Variants in NRXN3 observed in about 807,000 individuals in gnomAD.
NRXN3 encodes neurexin 3, also known as neurexin III.
A neutral mutation model predicts 137.6 loss-of-function variants in NRXN3; 32 were observed. The ratio of observed to expected loss-of-function variants is 0.23; its 90% CI spans 0.18 to 0.31. The LOEUF (loss-of-function observed/expected upper bound fraction) is 0.31, where lower values mean the gene tolerates loss of function less well. Ranked by LOEUF, NRXN3 falls within the 10% of genes least tolerant of loss-of-function variation. The pLI is 1.00. For missense variants in NRXN3, 1,574 were observed against 2,062.5 expected, an observed-to-expected ratio of 0.76 and a Z score of 4.59; for synonymous variants, 798 against 784.5, an observed-to-expected ratio of 1.02 and a Z score of -0.29.
intron 15 of NRXN3, among the ~76,000 whole-genome samples, chr14:79,142,674 A>G (rs73324798): frequency 6.6e-6 from 1 of 152,122 alleles, no homozygotes; most frequent in Non-Finnish European, 1.5e-5. Context: ...CCATGACCAG[A>G]TGTATGACTT....
chr14:78,359,832 C>A (rs778435150), intron 4 of NRXN3, among the ~76,000 whole-genome samples: 8 of 152,138 alleles, frequency 5.3e-5, no homozygotes, highest in Non-Finnish European at 1.2e-4. Flanking sequence ...GCGGGTCTCT[C>A]TTTCCGTGGA....
intron 10 of NRXN3, among the ~76,000 whole-genome samples, chr14:78,940,099 A>G (rs2099350163): frequency 6.6e-6 from 1 of 152,182 alleles, no homozygotes; most frequent in African/African-American, 2.4e-5. Flanking sequence ...CCTCCTGGCT[A>G]CATCTTTAGA....
chr14:78,497,594 C>G (rs1306157130), intron 4 of NRXN3, among the ~76,000 whole-genome samples: 1 of 144,394 alleles, frequency 6.9e-6, no homozygotes, highest in Non-Finnish European at 1.5e-5. Context: ...ATCCATCCAT[C>G]CATCCATCCA....
At chr14:78,225,974 G>GTGTGTTGGGGTGT in intron 1 of NRXN3, among the ~76,000 whole-genome samples, 1 of 123,718 alleles carries the variant, frequency 8.1e-6, no homozygotes, top group African/African-American at 3.1e-5. Context: ...TGTGTGTGTT[G>GTGTGTTGGGGTGT]GTGTGTGTGT....
intron 4 of NRXN3, among the ~76,000 whole-genome samples, chr14:78,593,890 G>C (rs2097137991): frequency 6.6e-6 from 1 of 152,076 alleles, no homozygotes; most frequent in African/African-American, 2.4e-5. Context: ...AATGGAGAGG[G>C]GCCCAGGCAT....
intron 17 of NRXN3, among the ~76,000 whole-genome samples, chr14:79,678,125 C>A (rs2098650484): frequency 6.6e-6 from 1 of 151,672 alleles, no homozygotes; most frequent in Non-Finnish European, 1.5e-5. Flanking sequence ...CCACTCACCA[C>A]TCTCATTCTT....
At chr14:78,904,246 C>A (rs1220948999) in intron 10 of NRXN3, among the ~76,000 whole-genome samples, 2 of 151,972 alleles carry the variant, frequency 1.3e-5, no homozygotes, top group Admixed American at 6.6e-5. Flanking sequence ...CAGAAGACAT[C>A]ATTTTGATTG....
At position 78,738,316 on chromosome 14, in the gene NRXN3, G is replaced by A. The variant is rs1394412247; in HGVS notation, c.2044+23177G>A. On this transcript the variant is annotated intron_variant, in intron 8 of 20. Coordinates refer to ENST00000335750, the MANE Select transcript of NRXN3 (RefSeq NM_001330195.2). ...CAGTTTAGTGGAAAAGACTAAATGGGCATCTGATGAACTCAAACCTGGTCC... is the reference window on the plus strand; with the variant it reads ...CAGTTTAGTGGAAAAGACTAAATGGACATCTGATGAACTCAAACCTGGTCC... 3.9e-5 allele frequency among the ~76,000 whole-genome samples: 6 copies of A among 152,320 alleles called. No homozygotes were observed. In the South Asian group the frequency reaches 8.3e-4, roughly 21 times the overall value.
intron 10 of NRXN3, among the ~76,000 whole-genome samples, chr14:78,853,566 T>G (rs1216183796): frequency 1.3e-5 from 2 of 152,140 alleles, no homozygotes; most frequent in Non-Finnish European, 2.9e-5. Context: ...AAAAATTTTA[T>G]TACTATAATA....
chr14:79,632,809 A>G (rs2098368855), intron 16 of NRXN3, among the ~76,000 whole-genome samples: 1 of 152,142 alleles, frequency 6.6e-6, no homozygotes, highest in Non-Finnish European at 1.5e-5. Context: ...TCAAGACTAA[A>G]CACAGCTAGT....
At chr14:79,854,792 A>G (rs1240040275) in intron 20 of NRXN3, among the ~76,000 whole-genome samples, 3 of 152,218 alleles carry the variant, frequency 2.0e-5, no homozygotes, top group Non-Finnish European at 4.4e-5. Context: ...CTTTTCCTTC[A>G]GCAAAGGGGA....
At chr14:79,685,441 A>T (rs1412841381) in intron 17 of NRXN3, among the ~76,000 whole-genome samples, 2 of 152,190 alleles carry the variant, frequency 1.3e-5, no homozygotes, top group African/African-American at 2.4e-5. Flanking sequence ...AAAAAAAGTG[A>T]CATTTGAGGA....
At chr14:78,548,632 T>A (rs2096658198) in intron 4 of NRXN3, among the ~76,000 whole-genome samples, 1 of 152,190 alleles carries the variant, frequency 6.6e-6, no homozygotes, top group African/African-American at 2.4e-5. Context: ...CCCCCTCCCT[T>A]TTTACCTGTT....
intron 15 of NRXN3, among the ~76,000 whole-genome samples, chr14:79,064,803 ATG>A (rs370697827): frequency 1.0e-3 from 135 of 129,244 alleles, no homozygotes; most frequent in African/African-American, 4.0e-3. Flanking sequence ...ACCCATATAT[ATG>A]TGTGTGTGTG....
intron 6 of NRXN3, among the ~76,000 whole-genome samples, chr14:78,664,558 C>T (rs987937013): frequency 1.9e-4 from 29 of 152,192 alleles, no homozygotes; most frequent in African/African-American, 6.5e-4. Flanking sequence ...CATGGTTACT[C>T]TTTAACCCTC....
At chr14:79,556,595 AC>A (rs1327438754) in intron 16 of NRXN3, among the ~76,000 whole-genome samples, 1 of 152,074 alleles carries the variant, frequency 6.6e-6, no homozygotes, top group East Asian at 1.9e-4. Context: ...TCACTCTGTC[AC>A]CCAGGCTAGA....
chr14:78,272,322 TACCAGTA>T (rs1435409887), intron 2 of NRXN3, among the ~76,000 whole-genome samples: 1 of 152,166 alleles, frequency 6.6e-6, no homozygotes, highest in African/African-American at 2.4e-5. Flanking sequence ...AGAGTGCACA[TACCAGTA>T]GGTTGGTCTG....
In NRXN3 at chr14:79,753,715, T is replaced by TATAATA. The variant is rs200409976; in HGVS notation, c.4015-51380_4015-51375dup. Reference sequence around the variant, plus strand: ...TGCATATGTACCCTAAAACTTAAAGTATAATAATAATAATAATAATAAAAA... The same window carrying TATAATA: ...TGCATATGTACCCTAAAACTTAAAGTATAATAATAATAATAATAATAATAATAAAAA... On this transcript the variant is annotated intron_variant, in intron 19 of 20. Coordinates refer to ENST00000335750, the MANE Select transcript of NRXN3 (RefSeq NM_001330195.2). 6.0e-5 allele frequency among the ~76,000 whole-genome samples: 9 copies of TATAATA among 150,650 alleles called. No individual in the cohort carries two copies. In the East Asian group the frequency reaches 1.8e-3, roughly 29 times the overall value.
chr14:78,390,817 G>A (rs771609805), intron 4 of NRXN3, among the ~76,000 whole-genome samples: 3 of 152,122 alleles, frequency 2.0e-5, no homozygotes, highest in African/African-American at 4.8e-5. Flanking sequence ...TACATGTGCA[G>A]GATGTGCAGG....
Sources: gnomAD v4.1 joint callset for allele counts (sites outside exome capture counted in the v4.1 genomes callset) on GRCh38, gnomAD v4.1.1 for gene constraint, MANE v1.5 for transcripts, NCBI Gene and HGNC (gene_info 2026-07-23, HGNC 2026-07-21) for gene names.